The following TNIK variants were observed in gnomAD, a reference collection of about 807,000 sequenced individuals.
The protein encoded by TNIK is TRAF2 and NCK interacting kinase, also known as TRAF2 and NCK-interacting protein kinase.
In TNIK, 49 loss-of-function variants were observed where a neutral mutation model predicts 191.3. The observed-to-expected ratio is 0.26, with a 90% CI of 0.20 to 0.32. The LOEUF (loss-of-function observed/expected upper bound fraction) is 0.32. Among genes scored for constraint, TNIK ranks in the 10% least tolerant of loss-of-function variants. The pLI is 1.00. For synonymous variants in TNIK, 594 were observed against 600.9 expected (o/e 0.99, Z 0.17); for missense variants, 1,155 against 1,702.3 (o/e 0.68, Z 5.66).
intron 8 of TNIK, among the ~76,000 whole-genome samples, chr3:171,176,656 A>G (rs1735992538): frequency 6.6e-6 from 1 of 152,262 alleles, no homozygotes. Flanking sequence ...GGCCTGCCTT[A>G]GTATCCCCAC....
chr3:171,442,123 A>G (rs1392406433), intron 1 of TNIK, among the ~76,000 whole-genome samples: 1 of 152,256 alleles, frequency 6.6e-6, no homozygotes, highest in African/African-American at 2.4e-5. Context: ...CAAACTAAAC[A>G]AAATCTCCAC....
intron 2 of TNIK, among the ~76,000 whole-genome samples, chr3:171,326,630 G>A (rs558596486): frequency 6.6e-6 from 1 of 152,196 alleles, no homozygotes; most frequent in South Asian, 2.1e-4. Context: ...CTGAAACATA[G>A]ATTGCTGCAC....
intron 2 of TNIK, among the ~76,000 whole-genome samples, chr3:171,230,984 T>C (rs1243108237): frequency 6.6e-6 from 1 of 152,084 alleles, no homozygotes; most frequent in Non-Finnish European, 1.5e-5. Context: ...CCTGAGGGAG[T>C]CCCTGAGGCA....
chr3:171,450,060 A>G (rs1727990022), intron 1 of TNIK, among the ~76,000 whole-genome samples: 1 of 152,078 alleles, frequency 6.6e-6, no homozygotes, highest in Non-Finnish European at 1.5e-5. Flanking sequence ...AATTAAACAA[A>G]TTTTTAACAA....
intron 17 of TNIK, among the ~76,000 whole-genome samples, chr3:171,124,899 C>T (rs1374173123): frequency 6.6e-6 from 1 of 152,068 alleles, no homozygotes; most frequent in Non-Finnish European, 1.5e-5. Context: ...CTCCTTTGCC[C>T]ACTTTATTTT....
intron 15 of TNIK, among the ~76,000 whole-genome samples, chr3:171,131,135 G>C (rs1020966730): frequency 6.6e-6 from 1 of 151,602 alleles, no homozygotes; most frequent in Non-Finnish European, 1.5e-5. Flanking sequence ...TCAGGAGATC[G>C]AGACCATCCT....
Position 171,295,005 on chromosome 3 carries a change from AAG to A in TNIK, c.124-66786_124-66785del, listed in dbSNP as rs141597723. On this transcript the variant is annotated intron_variant, in intron 2 of 32. Transcript: ENST00000436636. ...TCACTTTGAATAGGTCTGGCCAGGG[AAG>A]AGAGAGAGAGAGAGAGAGAGGAAAA... 1.2e-3 allele frequency among the ~76,000 whole-genome samples: 177 copies of A among 146,366 alleles called. 1 individual carries two copies. The highest frequency in any genetic ancestry group is 4.7e-3 in the Admixed American group (69 of 14,712).
At chr3:171,091,728 C>A (rs1244003735) in intron 23 of TNIK, among the ~76,000 whole-genome samples, 4 of 151,688 alleles carry the variant, frequency 2.6e-5, no homozygotes, top group African/African-American at 9.7e-5. Flanking sequence ...GAGCGAGACT[C>A]CATCTCCAAA....
chr3:171,271,032 C>G (rs1749026076), intron 2 of TNIK, among the ~76,000 whole-genome samples: 1 of 152,188 alleles, frequency 6.6e-6, no homozygotes, highest in African/African-American at 2.4e-5. Context: ...ATATTTCTCA[C>G]TCACTCTGCA....
intron 18 of TNIK, among the ~76,000 whole-genome samples, chr3:171,120,420 G>A (rs564518223): frequency 8.7e-5 from 13 of 149,936 alleles, no homozygotes; most frequent in Admixed American, 2.7e-4. Context: ...TCCCGGATTC[G>A]CGCCATTCTC....
intron 24 of TNIK, among the ~76,000 whole-genome samples, 197 bp downstream of exon 24, chr3:171,087,145 A>C (rs986162100): frequency 6.6e-6 from 1 of 152,244 alleles, no homozygotes; most frequent in African/African-American, 2.4e-5. Context: ...GTATTGGTTC[A>C]GATGATATCT....
At chr3:171,206,112 T>C (rs1740038481) in intron 4 of TNIK, among the ~76,000 whole-genome samples, 1 of 152,158 alleles carries the variant, frequency 6.6e-6, no homozygotes, top group East Asian at 1.9e-4. Flanking sequence ...ATGTTTATTG[T>C]TTGTAGTCTA....
intron 2 of TNIK, among the ~76,000 whole-genome samples, chr3:171,321,337 T>C (rs1176195952): frequency 6.6e-6 from 1 of 152,160 alleles, no homozygotes. Flanking sequence ...ATTAACTTAT[T>C]GCGGTTTTCT....
At chr3:171,265,956 C>T (rs866297447) in intron 2 of TNIK, among the ~76,000 whole-genome samples, 3 of 152,298 alleles carry the variant, frequency 2.0e-5, no homozygotes, top group South Asian at 2.1e-4. Context: ...CAGACATAGC[C>T]GGCCAGGCTG....
At chr3:171,214,135 G>A (rs1741183155) in intron 3 of TNIK, among the ~76,000 whole-genome samples, 2 of 151,732 alleles carry the variant, frequency 1.3e-5, no homozygotes, top group Admixed American at 6.6e-5. Flanking sequence ...AATTTAGCAG[G>A]CCTTTGGGCC....
chr3:171,113,491 A>G (rs1200820285), intron 18 of TNIK, among the ~76,000 whole-genome samples: 3 of 151,974 alleles, frequency 2.0e-5, no homozygotes, highest in Admixed American at 6.6e-5. Context: ...CTGTATTCTC[A>G]GCTAGTTGAG....
intron 12 of TNIK, among the ~76,000 whole-genome samples, chr3:171,143,900 T>C (rs1731187873): frequency 6.6e-6 from 1 of 152,212 alleles, no homozygotes; most frequent in African/African-American, 2.4e-5. Context: ...TGGAGAATGT[T>C]CTTCTAAAAA....
intron 1 of TNIK, among the ~76,000 whole-genome samples, chr3:171,389,107 AAAC>A (rs1374135543): frequency 2.0e-5 from 3 of 152,156 alleles, no homozygotes; most frequent in Non-Finnish European, 4.4e-5. Context: ...TGAGGCCCCA[AAAC>A]AACAAATAAG....
intron 2 of TNIK, 28 bp from the exon 3 acceptor site, chr3:171,228,249 T>C: frequency 1.9e-6 from 3 of 1,612,816 alleles, no homozygotes; most frequent in East Asian, 2.2e-5. Flanking sequence ...TAACAAAAGA[T>C]TTAGTTCTGA....
Sources: gnomAD v4.1 joint callset for allele counts (sites outside exome capture counted in the v4.1 genomes callset) on GRCh38, gnomAD v4.1.1 for gene constraint, MANE v1.5 for transcripts, NCBI Gene and HGNC (gene_info 2026-07-23, HGNC 2026-07-21) for gene names.